RASSF5: variants seen among roughly 807,000 people sequenced by gnomAD.
RASSF5 encodes the protein Ras association domain family member 5.
Under a neutral mutation model 40.5 loss-of-function variants are expected in RASSF5, and 25 were observed. The ratio of observed to expected loss-of-function variants is 0.62; its 90% confidence interval spans 0.45 to 0.86. The LOEUF (loss-of-function observed/expected upper bound fraction) is 0.86, where lower values mean the gene tolerates loss of function less well. RASSF5 is among the 40% of genes least tolerant of loss of function. RASSF5 has a pLI of 0.00. For missense variants in RASSF5, 521 were observed against 572.8 expected (o/e 0.91, Z 0.92); for synonymous variants, 246 against 252.4 (o/e 0.97, Z 0.24).
At chr1:206,548,037 T>C (rs80340653) in intron 2 of RASSF5, among the ~76,000 whole-genome samples, 2 of 152,178 alleles carry the variant, frequency 1.3e-5, no homozygotes, top group Non-Finnish European at 2.9e-5. Flanking sequence ...GGATAGAAAT[T>C]TCTAGGTTGG....
Position 206,531,539 on chromosome 1 carries a change from G to T in RASSF5, c.458-6633G>T, listed in dbSNP as rs569004857. The stretch of plus-strand genomic sequence containing the variant: ...GGAGCTGCCCTGGGATGGTCTGTGC[G>T]CAGAGGGCGCTGGAGACCCTCTCTG... On this transcript the variant is annotated intron_variant, in intron 1 of 5. Transcript: ENST00000579436. The surrounding 1 kb of genome is among the most constrained non-coding windows in gnomAD (Gnocchi z 4.7). Among the ~76,000 whole-genome samples, 2 of 152,164 alleles carry T rather than the reference G, an allele frequency of 1.3e-5. No homozygotes were observed. The highest frequency in any genetic ancestry group is 6.5e-5 in the Admixed American group (1 of 15,286).
chr1:206,581,660 G>A (rs1668884871), intron 2 of RASSF5, among the ~76,000 whole-genome samples: 2 of 150,302 alleles, frequency 1.3e-5, no homozygotes. Context: ...AGAAAGAAAA[G>A]GAAGGAAGGA....
intron 2 of RASSF5, among the ~76,000 whole-genome samples, chr1:206,562,396 C>T (rs782347306): frequency 6.6e-6 from 1 of 152,216 alleles, no homozygotes; most frequent in Non-Finnish European, 1.5e-5. Context: ...TCTTTGGAAC[C>T]ACTGGCCCAT....
rs529329960 is a variant in RASSF5, at chr1:206,531,434, A to G, written c.458-6738A>G. On this transcript the variant is annotated intron_variant, in intron 1 of 5. Transcript: ENST00000579436. The surrounding 1 kb of genome is among the most constrained non-coding windows in gnomAD (Gnocchi z 4.7). ...GAGTCTGAAGGGACATCTTGGGGCC[A>G]GGTTGAGAGGCGGTATCCTAGCTGG... Among the ~76,000 whole-genome samples the G allele has an allele frequency of 1.3e-5, 2 of 152,326 alleles. No homozygotes were observed. Among genetic ancestry groups the G allele is most frequent in the African/African-American group, 4.8e-5 (2 of 41,572 alleles).
intron 2 of RASSF5, chr1:206,543,767 A>AT (rs1180792860): frequency 6.6e-6 from 1 of 151,978 alleles, no homozygotes; most frequent in East Asian, 1.9e-4. Flanking sequence ...TTTTATTTTT[A>AT]TTTTTTATAT....
At chr1:206,549,899 C>T (rs1164665455) in intron 2 of RASSF5, among the ~76,000 whole-genome samples, 1 of 152,194 alleles carries the variant, frequency 6.6e-6, no homozygotes, top group Non-Finnish European at 1.5e-5. Flanking sequence ...TTTCTCTAGC[C>T]TTGGGTCATT....
intron 5 of RASSF5, chr1:206,585,708 A>G (rs1028054977): frequency 3.1e-5 from 5 of 162,384 alleles, no homozygotes; most frequent in African/African-American, 1.2e-4. Flanking sequence ...CTTGACCTCC[A>G]TCCCCCAAGG....
chr1:206,561,915 A>G (rs57844083), intron 2 of RASSF5, among the ~76,000 whole-genome samples: 9,842 of 151,196 alleles, frequency 0.065, 402 homozygotes, highest in African/African-American at 0.12. Flanking sequence ...GTGAACCCCT[A>G]CCTCGGCCTC....
rs1347849476 is a variant in RASSF5, at chr1:206,552,667, G to A, written c.579+14374G>A. Among the ~76,000 whole-genome samples, 2 of 152,176 alleles carry A rather than the reference G, an allele frequency of 1.3e-5. No homozygotes were observed. Among genetic ancestry groups the A allele is most frequent in the Non-Finnish European group, 2.9e-5 (2 of 68,026 alleles). On this transcript the variant is annotated intron_variant, in intron 2 of 5. Transcript: ENST00000579436. This position sits in a 1 kb window ranked among gnomAD's most constrained non-coding sequence, Gnocchi z 4.1. ...TTACAGGGGCTCTGGGTTTGAATCTGATTCTACCATTTACTTGCTTGGGCG... is the reference window on the plus strand; with the variant it reads ...TTACAGGGGCTCTGGGTTTGAATCTAATTCTACCATTTACTTGCTTGGGCG...
intron 1 of RASSF5, among the ~76,000 whole-genome samples, chr1:206,524,047 T>C (rs1667016362): frequency 8.5e-6 from 1 of 117,678 alleles, no homozygotes; most frequent in African/African-American, 3.1e-5. Context: ...ATATATTTTA[T>C]ATATAATAGG....
At chr1:206,557,338 G>A (rs1397768503) in intron 2 of RASSF5, 2 of 1,281,978 alleles carry the variant, frequency 1.6e-6, no homozygotes, top group Non-Finnish European at 2.0e-6. Flanking sequence ...AGGCGCAGGC[G>A]GCGCGGGGAC....
intron 2 of RASSF5, chr1:206,557,251 C>T: frequency 2.7e-6 from 3 of 1,126,028 alleles, no homozygotes; most frequent in Non-Finnish European, 3.3e-6. Flanking sequence ...AGGGAGGGCG[C>T]TGGCGCCGGG....
At chr1:206,553,595 G>C (rs1472971071) in intron 2 of RASSF5, among the ~76,000 whole-genome samples, 1 of 152,170 alleles carries the variant, frequency 6.6e-6, no homozygotes, top group Non-Finnish European at 1.5e-5. Context: ...GCTGTTACAG[G>C]TACCCACCTG....
At chr1:206,575,264 AGGG>A (rs1459334373) in intron 2 of RASSF5, among the ~76,000 whole-genome samples, 1 of 152,116 alleles carries the variant, frequency 6.6e-6, no homozygotes, top group Non-Finnish European at 1.5e-5. Flanking sequence ...CTCCTGTAGG[AGGG>A]GCCTGAGGCT....
chr1:206,548,078 T>C (rs1359332112), intron 2 of RASSF5, among the ~76,000 whole-genome samples: 1 of 152,232 alleles, frequency 6.6e-6, no homozygotes, highest in Non-Finnish European at 1.5e-5. Flanking sequence ...TTTGAAGATG[T>C]TGCTTCACTA....
chr1:206,583,663 C>T (rs1024358773), intron 3 of RASSF5: 8 of 393,056 alleles, frequency 2.0e-5, no homozygotes, highest in Admixed American at 3.8e-5. Flanking sequence ...TTAAACGGTA[C>T]GTAATGACCA....
chr1:206,507,672 T>C lies in RASSF5; in HGVS notation c.70T>C (p.Tyr24His). ...ACTATTGGACCCCGAGCCGCCGCGC[T>C]ATCTACAGAGCCTGAGCGGCCCCGA... ...PLLLDPEPPR[Y>H]LQSLSGPELP... Residue 24 changes from tyrosine to histidine, a missense_variant, in exon 1 of 6, where the codon TAT becomes CAT. Coordinates refer to ENST00000579436, the MANE Select transcript of RASSF5 (RefSeq NM_182663.4). 2 of 1,525,434 alleles carry C rather than the reference T, an allele frequency of 1.3e-6. No individual in the cohort carries two copies. Among genetic ancestry groups the C allele is most frequent in the African/African-American group, 1.4e-5 (1 of 69,602 alleles). The allele number at this position is 1,525,434 out of a possible 1,614,324, so 94.5% of individuals were successfully genotyped here. A position where few individuals can be genotyped will look rare whatever the true frequency, so the allele number is the denominator to read the frequency against.
In RASSF5 at chr1:206,535,721, T is replaced by TG. The variant is rs1667372337; in HGVS notation, c.458-2450dup. ...TGTGTGTCTGTGTGTGTGTGGTGTGTGTGTGTGTGTGTGTGTGTGTGTGAG... is the reference window on the plus strand; with the variant it reads ...TGTGTGTCTGTGTGTGTGTGGTGTGTGGTGTGTGTGTGTGTGTGTGTGTGAG... On this transcript the variant is annotated intron_variant, in intron 1 of 5. Transcript: ENST00000579436. The surrounding 1 kb of genome is among the most constrained non-coding windows in gnomAD (Gnocchi z 5.0). 3.0e-5 allele frequency among the ~76,000 whole-genome samples: 3 copies of TG among 99,452 alleles called. No homozygotes were observed. The highest frequency in any genetic ancestry group is 2.5e-4 in the East Asian group (1 of 3,958). 65.2% of individuals were successfully genotyped at this position (99,452 alleles called of 152,430 possible).
rs1186546871 is a variant in RASSF5, at chr1:206,560,158, C to T, written c.579+21865C>T. 2.0e-5 allele frequency among the ~76,000 whole-genome samples: 3 copies of T among 152,204 alleles called. No homozygotes were observed. The highest frequency in any genetic ancestry group is 2.0e-4 in the Admixed American group (3 of 15,280). On this transcript the variant is annotated intron_variant, in intron 2 of 5. Coordinates refer to ENST00000579436, the MANE Select transcript of RASSF5 (RefSeq NM_182663.4). This position sits in a 1 kb window ranked among gnomAD's most constrained non-coding sequence, Gnocchi z 5.1. ...AGGAGTTGATGTGTTTCCCGGTCGTCGAGAGATTGAGGCCCTCATCTGGGA... is the reference window on the plus strand; with the variant it reads ...AGGAGTTGATGTGTTTCCCGGTCGTTGAGAGATTGAGGCCCTCATCTGGGA...
Sources: allele counts gnomAD v4.1 joint callset (sites outside exome capture counted in the v4.1 genomes callset), GRCh38; gene constraint gnomAD v4.1.1; non-coding constraint Gnocchi (gnomAD v3.1); transcripts MANE v1.5; gene names NCBI Gene and HGNC (gene_info 2026-07-23, HGNC 2026-07-21).